VEPH1: variants seen among roughly 807,000 people sequenced by gnomAD.
The protein encoded by VEPH1 is ventricular zone-expressed PH domain-containing protein homolog 1.
VEPH1 carries 80 observed loss-of-function variants against 85.2 expected under a neutral mutation model. The observed-to-expected ratio is 0.94, with a 90% confidence interval of 0.78 to 1.13. The LOEUF (loss-of-function observed/expected upper bound fraction) is 1.13, where lower values mean the gene tolerates loss of function less well. Among genes scored for constraint, VEPH1 ranks in the 50% most tolerant of loss-of-function variants. VEPH1 has a pLI of 0.00. For synonymous variants in VEPH1, 297 were observed against 348.0 expected, an observed-to-expected ratio of 0.85 and a Z score of 1.63; for missense variants, 955 against 980.5, an observed-to-expected ratio of 0.97 and a Z score of 0.35.
At chr3:157,341,755 AT>A (rs1723587723) in intron 9 of VEPH1, among the ~76,000 whole-genome samples, 1 of 152,104 alleles carries the variant, frequency 6.6e-6, no homozygotes, top group Non-Finnish European at 1.5e-5. Context: ...GAAGGAAAAA[AT>A]GTTAAGGGCA....
chr3:157,308,583 A>G (rs955294498), intron 11 of VEPH1, among the ~76,000 whole-genome samples: 1 of 151,996 alleles, frequency 6.6e-6, no homozygotes, highest in African/African-American at 2.4e-5. Context: ...GCCCCTCTCA[A>G]AAATTTTCAA....
intron 9 of VEPH1, among the ~76,000 whole-genome samples, chr3:157,344,704 G>A (rs1328298426): frequency 6.6e-6 from 1 of 152,146 alleles, no homozygotes; most frequent in Non-Finnish European, 1.5e-5. Flanking sequence ...CCAAAAAAGA[G>A]CCCGCATTGC....
At chr3:157,445,091 T>C (rs1226635656) in intron 4 of VEPH1, among the ~76,000 whole-genome samples, 2 of 152,172 alleles carry the variant, frequency 1.3e-5, no homozygotes. Flanking sequence ...TTCCTCCTTC[T>C]GTCTGATTGG....
Position 157,363,569 on chromosome 3 carries a change from G to C in VEPH1, c.1530C>G (p.Tyr510Ter). The change falls in exon 9 of 14, where the codon TAC (tyrosine) becomes TAG (stop). Residue 510 changes from tyrosine to a stop codon, truncating the protein, a stop_gained. Coordinates refer to ENST00000362010, the MANE Select transcript of VEPH1 (RefSeq NM_001167912.2). LOFTEE classifies it high-confidence loss of function. ...RSQLGESSVS[Y>*]PNIIHIDSEN... ...CTGAGTCTATATGTATAATATTTGG[G>C]TATGAAACTGAAGACTCCCCCAGCT... 1.2e-6 allele frequency: 2 copies of C among 1,614,086 alleles called. No homozygotes were observed. Among genetic ancestry groups the C allele is most frequent in the Non-Finnish European group, 1.7e-6 (2 of 1,180,008 alleles).
In VEPH1 at chr3:157,423,371, C is replaced by A. The variant is rs187050436; in HGVS notation, c.696+4951G>T. 2.1e-4 allele frequency among the ~76,000 whole-genome samples: 32 copies of A among 152,334 alleles called. 1 individual carries two copies. Among genetic ancestry groups the A allele is most frequent in the Admixed American group, 2.0e-3 (30 of 15,304 alleles). Reference sequence around the variant, plus strand: ...TTGTCCCTTGAAGCAATAGCAGCAGCACCATATGGGTATTTGTAAAAAGAC... The same window carrying A: ...TTGTCCCTTGAAGCAATAGCAGCAGAACCATATGGGTATTTGTAAAAAGAC... On this transcript the variant is annotated intron_variant, in intron 5 of 13. Coordinates refer to ENST00000362010, the MANE Select transcript of VEPH1 (RefSeq NM_001167912.2).
intron 7 of VEPH1, among the ~76,000 whole-genome samples, chr3:157,374,400 T>C (rs1429535211): frequency 6.6e-6 from 1 of 152,240 alleles, no homozygotes; most frequent in Non-Finnish European, 1.5e-5. Context: ...TGTTTTTAAT[T>C]ATGGTTCTGA....
chr3:157,470,236 T>C, intron 3 of VEPH1, 78 bp downstream of exon 3: 1 of 1,337,752 alleles, frequency 7.5e-7, no homozygotes. Context: ...AAGCATTGGC[T>C]CTTGGTTCAC....
In VEPH1 at chr3:157,470,547, C is replaced by T. The variant is rs1736841238; in HGVS notation, c.139-18G>A. 7 of 1,609,438 alleles carry T rather than the reference C, an allele frequency of 4.3e-6. No homozygotes were observed. The highest frequency in any genetic ancestry group is 6.0e-6 in the Non-Finnish European group (7 of 1,175,986). ...TGGTAATCCTGTTTGGAAAGAAAAT[C>T]TTCATGTTAAATAATACTCTAGAAA... On this transcript the variant is annotated intron_variant, in intron 2 of 13. Coordinates refer to ENST00000362010, the MANE Select transcript of VEPH1 (RefSeq NM_001167912.2).
chr3:157,339,998 C>T (rs1422684287), intron 9 of VEPH1, among the ~76,000 whole-genome samples: 1 of 152,142 alleles, frequency 6.6e-6, no homozygotes, highest in Non-Finnish European at 1.5e-5. Flanking sequence ...TGACTAAAAC[C>T]AGAAAAAGAT....
intron 2 of VEPH1, among the ~76,000 whole-genome samples, chr3:157,474,670 G>A (rs1350149): frequency 0.17 from 26,000 of 152,096 alleles, 2,839 homozygotes; most frequent in East Asian, 0.36. Flanking sequence ...AGACTTCACA[G>A]GTCTTCATTT....
chr3:157,329,195 GT>G (rs1376892791), intron 9 of VEPH1, among the ~76,000 whole-genome samples: 1 of 152,144 alleles, frequency 6.6e-6, no homozygotes, highest in Non-Finnish European at 1.5e-5. Context: ...ATTTATTGCA[GT>G]TTTTATCTTT....
At chr3:157,471,745 T>C (rs1171841937) in intron 2 of VEPH1, among the ~76,000 whole-genome samples, 2 of 152,008 alleles carry the variant, frequency 1.3e-5, no homozygotes, top group East Asian at 1.9e-4. Context: ...TTTGGTACAA[T>C]ATATTTTTCT....
In VEPH1 at chr3:157,363,725, C is replaced by T. The variant is rs372763241; in HGVS notation, c.1374G>A (p.Lys458=). Residue 458 remains lysine, a synonymous_variant, in exon 9 of 14, where the codon AAG becomes AAA. Coordinates refer to ENST00000362010, the MANE Select transcript of VEPH1 (RefSeq NM_001167912.2). ...CTTCGCCGTCATCTGAACCCACACC[C>T]TTTGTGAGCATAGTGTGGAAAGCCA... ...KSLAFHTMLT[K]GVGSDDGEDE... The T allele has an allele frequency of 1.2e-6, 2 of 1,614,090 alleles. No homozygotes were observed. The highest frequency in any genetic ancestry group is 2.2e-5 in the South Asian group (2 of 91,072).
At chr3:157,490,626 G>T (rs138567864) in intron 2 of VEPH1, among the ~76,000 whole-genome samples, 1 of 152,058 alleles carries the variant, frequency 6.6e-6, no homozygotes, top group African/African-American at 2.4e-5. Context: ...GCAAGCACTG[G>T]TGAGGATATA....
At chr3:157,486,663 C>T (rs911095195) in intron 2 of VEPH1, among the ~76,000 whole-genome samples, 3 of 152,032 alleles carry the variant, frequency 2.0e-5, no homozygotes, top group Non-Finnish European at 4.4e-5. Context: ...GTATACTTAT[C>T]TCAAAAATTT....
At chr3:157,488,767 C>T (rs1738913280) in intron 2 of VEPH1, among the ~76,000 whole-genome samples, 1 of 152,012 alleles carries the variant, frequency 6.6e-6, no homozygotes, top group Non-Finnish European at 1.5e-5. Flanking sequence ...AGACTTTACA[C>T]ATGTAAAGTG....
intron 2 of VEPH1, among the ~76,000 whole-genome samples, chr3:157,494,977 C>T (rs1739542680): frequency 6.6e-6 from 1 of 152,112 alleles, no homozygotes; most frequent in South Asian, 2.1e-4. Context: ...CTGCAATTTT[C>T]AGAATTCTGG....
chr3:157,391,960 G>T (rs1291580635), intron 6 of VEPH1, among the ~76,000 whole-genome samples: 1 of 151,942 alleles, frequency 6.6e-6, no homozygotes, highest in African/African-American at 2.4e-5. Context: ...TTTCAACCAA[G>T]AATTTCATAC....
At chr3:157,375,566 A>G (rs959948769) in intron 7 of VEPH1, among the ~76,000 whole-genome samples, 1 of 152,148 alleles carries the variant, frequency 6.6e-6, no homozygotes, top group Non-Finnish European at 1.5e-5. Context: ...CATTGCATGG[A>G]ATGTAGGATA....
Sources: gnomAD v4.1 joint callset for allele counts (sites outside exome capture counted in the v4.1 genomes callset) on GRCh38, gnomAD v4.1.1 for gene constraint, MANE v1.5 for transcripts, NCBI Gene and HGNC (gene_info 2026-07-23, HGNC 2026-07-21) for gene names.